The following SYN3 variants were observed in gnomAD, a reference collection of about 807,000 sequenced individuals.
The protein encoded by SYN3 is synapsin-3.
In SYN3, 35 loss-of-function variants were observed where a neutral mutation model predicts 65.8. That is an observed-to-expected ratio of 0.53 (90% confidence interval 0.41 to 0.70). The LOEUF (loss-of-function observed/expected upper bound fraction) is 0.70, where lower values mean the gene tolerates loss of function less well. SYN3 is among the 30% of genes least tolerant of loss of function. SYN3 has a pLI of 0.00. For missense variants in SYN3, 680 were observed against 749.0 expected (o/e 0.91, Z 1.08); for synonymous variants, 270 against 292.9 (o/e 0.92, Z 0.80).
intron 7 of SYN3, among the ~76,000 whole-genome samples, chr22:32,592,719 C>A (rs992472027): frequency 3.3e-5 from 5 of 152,170 alleles, no homozygotes; most frequent in Non-Finnish European, 5.9e-5. Context: ...GATGCCTTTT[C>A]CAACTAGGTA....
chr22:32,786,063 T>C (rs2046187210), intron 6 of SYN3, among the ~76,000 whole-genome samples: 1 of 152,238 alleles, frequency 6.6e-6, no homozygotes, highest in Non-Finnish European at 1.5e-5. Context: ...CCCATTTACT[T>C]ACTGCACACT....
At chr22:32,886,418 G>T (rs938414409) in intron 4 of SYN3, among the ~76,000 whole-genome samples, 1 of 152,138 alleles carries the variant, frequency 6.6e-6, no homozygotes, top group Admixed American at 6.6e-5. Flanking sequence ...CCTGGCTTAG[G>T]ATCCCGGCTC....
At chr22:32,875,592 G>A (rs1449117560) in intron 4 of SYN3, among the ~76,000 whole-genome samples, 1 of 152,184 alleles carries the variant, frequency 6.6e-6, no homozygotes, top group East Asian at 1.9e-4. Flanking sequence ...TCACACTGGA[G>A]GAGAGTGAAC....
In SYN3 at chr22:32,603,506, C is replaced by T. The variant is rs202143573; in HGVS notation, c.712-6770G>A. Reference sequence around the variant, plus strand: ...CTGCACTCCAGCCTGGGCGACAGAGCGAGACTCCGAGACTCCGTCTCAAAA... The same window carrying T: ...CTGCACTCCAGCCTGGGCGACAGAGTGAGACTCCGAGACTCCGTCTCAAAA... On this transcript the variant is annotated intron_variant, in intron 6 of 13. Transcript: ENST00000358763. Among the ~76,000 whole-genome samples, 59 of 142,208 alleles carry T rather than the reference C, an allele frequency of 4.1e-4. No individual in the cohort carries two copies. In the East Asian group the frequency reaches 9.2e-3, roughly 22 times the overall value. 93.3% of individuals were successfully genotyped at this position (142,208 alleles called of 152,430 possible). A position where few individuals can be genotyped will look rare whatever the true frequency, so the allele number is the denominator to read the frequency against.
chr22:32,739,177 G>GGT (rs1555942788), intron 6 of SYN3, among the ~76,000 whole-genome samples: 2 of 150,766 alleles, frequency 1.3e-5, no homozygotes, highest in South Asian at 4.3e-4. Context: ...GAATCACAGG[G>GGT]GGGGGGCGGT....
At chr22:32,778,807 T>C (rs1248891100) in intron 6 of SYN3, among the ~76,000 whole-genome samples, 1 of 152,206 alleles carries the variant, frequency 6.6e-6, no homozygotes, top group African/African-American at 2.4e-5. Context: ...TGTTTCTTAA[T>C]AAGAAAGCAA....
At chr22:32,915,650 A>G (rs1322353507) in intron 4 of SYN3, among the ~76,000 whole-genome samples, 1 of 152,232 alleles carries the variant, frequency 6.6e-6, no homozygotes, top group Non-Finnish European at 1.5e-5. Context: ...TGACCTACAC[A>G]GAACAGCAAA....
chr22:32,965,543 CGT>C (rs10602672), intron 3 of SYN3, among the ~76,000 whole-genome samples: 15,845 of 147,008 alleles, frequency 0.11, 860 homozygotes, highest in Admixed American at 0.14. Flanking sequence ...ATGGTGCGTA[CGT>C]GTGTGTGTGT....
chr22:32,959,178 G>GT (rs2051563857), intron 3 of SYN3, among the ~76,000 whole-genome samples: 2 of 152,044 alleles, frequency 1.3e-5, no homozygotes, highest in Non-Finnish European at 2.9e-5. Flanking sequence ...TAGTTGATAA[G>GT]TTTCACGAGA....
At chr22:32,890,919 A>G (rs1389068782) in intron 4 of SYN3, among the ~76,000 whole-genome samples, 3 of 151,990 alleles carry the variant, frequency 2.0e-5, no homozygotes, top group Non-Finnish European at 2.9e-5. Flanking sequence ...AATGGTAAAA[A>G]CTTCATTTCC....
At chr22:33,035,967 T>G (rs1227335693) in intron 1 of SYN3, among the ~76,000 whole-genome samples, 1 of 152,192 alleles carries the variant, frequency 6.6e-6, no homozygotes, top group African/African-American at 2.4e-5. Flanking sequence ...AAGTCAAGAC[T>G]CATTCTCCAA....
chr22:33,015,847 T>TTC (rs932153586), intron 1 of SYN3, among the ~76,000 whole-genome samples: 4 of 145,744 alleles, frequency 2.7e-5, no homozygotes, highest in Non-Finnish European at 6.2e-5. Context: ...TTTCTTTTCT[T>TTC]TTTTTTTTTT....
At chr22:32,648,239 T>C (rs1268731406) in intron 6 of SYN3, among the ~76,000 whole-genome samples, 2 of 152,176 alleles carry the variant, frequency 1.3e-5, no homozygotes, top group African/African-American at 2.4e-5. Context: ...TTAGCAAACC[T>C]CCCACTTTCC....
At chr22:32,564,978 TGGACTGCACCCAAACAGTGCTCC>T in intron 7 of SYN3, among the ~76,000 whole-genome samples, 1 of 49,102 alleles carries the variant, frequency 2.0e-5, no homozygotes, top group South Asian at 1.2e-3. Flanking sequence ...ACAGTGCTCC[TGGACTGCACCCAAACAGTGCTCC>T]CGGACTGCAC....
At chr22:32,677,649 A>C (rs1371936627) in intron 6 of SYN3, among the ~76,000 whole-genome samples, 1 of 152,068 alleles carries the variant, frequency 6.6e-6, no homozygotes, top group Non-Finnish European at 1.5e-5. Flanking sequence ...ATACAAAAAA[A>C]AATTAGCCGG....
chr22:32,567,347 TCCC>T (rs2058686578), intron 7 of SYN3, among the ~76,000 whole-genome samples: 2 of 36,994 alleles, frequency 5.4e-5, no homozygotes, highest in African/African-American at 1.0e-4. Flanking sequence ...CCTCCCTCCC[TCCC>T]TCCCTTCTTT....
At chr22:32,662,036 C>CA (rs2060223782) in intron 6 of SYN3, among the ~76,000 whole-genome samples, 1 of 152,150 alleles carries the variant, frequency 6.6e-6, no homozygotes, top group Non-Finnish European at 1.5e-5. Flanking sequence ...CCTTATCTAC[C>CA]AGTCTAGGGA....
rs1202214889 is a variant in SYN3, at chr22:33,000,006, T to G, written c.311+6346A>C. On this transcript the variant is annotated intron_variant, in intron 2 of 13. Transcript: ENST00000358763. The stretch of plus-strand genomic sequence containing the variant: ...GGCAAGATAAGCAGTGGAGTGGCAG[T>G]GGGGCTGAAGAGAACTGAGTTTGAT... Among the ~76,000 whole-genome samples, 3 of 152,164 alleles carry G rather than the reference T, an allele frequency of 2.0e-5. No homozygotes were observed. In the East Asian group the frequency reaches 5.8e-4, roughly 29 times the overall value.
intron 12 of SYN3, among the ~76,000 whole-genome samples, chr22:32,520,376 A>G (rs999887358): frequency 2.0e-5 from 3 of 151,716 alleles, no homozygotes; most frequent in Admixed American, 6.6e-5. Context: ...GCCTCAAGCA[A>G]TTCTCCCACC....
Sources: allele counts gnomAD v4.1 joint callset (sites outside exome capture counted in the v4.1 genomes callset), GRCh38; gene constraint gnomAD v4.1.1; transcripts MANE v1.5; gene names NCBI Gene and HGNC (gene_info 2026-07-23, HGNC 2026-07-21).